SAMD12: variants seen among roughly 807,000 people sequenced by gnomAD.
The protein encoded by SAMD12 is sterile alpha motif domain-containing protein 12.
SAMD12 carries 9 observed loss-of-function variants against 15.0 expected under a neutral mutation model. That is an observed-to-expected ratio of 0.60 (90% CI 0.36 to 1.05). The LOEUF (loss-of-function observed/expected upper bound fraction) is 1.05, where lower values mean the gene tolerates loss of function less well. SAMD12 is among the 50% of genes least tolerant of loss of function. The pLI is 0.01. For synonymous variants in SAMD12, 86 were observed against 90.1 expected (o/e 0.96, Z 0.25); for missense variants, 230 against 234.2 (o/e 0.98, Z 0.12).
At chr8:118,216,956 T>G (rs1182915383) in intron 4 of SAMD12, among the ~76,000 whole-genome samples, 1 of 152,214 alleles carries the variant, frequency 6.6e-6, no homozygotes, top group Non-Finnish European at 1.5e-5. Context: ...TCTATATCAG[T>G]TTTTCCTCTC....
chr8:118,417,721 A>C (rs1821774058), intron 3 of SAMD12, among the ~76,000 whole-genome samples: 1 of 152,248 alleles, frequency 6.6e-6, no homozygotes, highest in Admixed American at 6.5e-5. Flanking sequence ...TGCAATGGAA[A>C]GAAATGTTAT....
At chr8:118,218,152 T>C (rs1812005869) in intron 4 of SAMD12, among the ~76,000 whole-genome samples, 2 of 152,204 alleles carry the variant, frequency 1.3e-5, no homozygotes, top group South Asian at 4.1e-4. Flanking sequence ...GGGCTTAAAC[T>C]CTTATTATCA....
At chr8:118,225,449 T>G (rs1812168369) in intron 4 of SAMD12, among the ~76,000 whole-genome samples, 1 of 152,086 alleles carries the variant, frequency 6.6e-6, no homozygotes, top group Non-Finnish European at 1.5e-5. Context: ...GCTGCCAGGG[T>G]TTTTGGAGGC....
intron 4 of SAMD12, among the ~76,000 whole-genome samples, chr8:118,304,227 T>C (rs1391899264): frequency 6.6e-6 from 1 of 152,244 alleles, no homozygotes. Context: ...TTATGCTTCA[T>C]GGTCATATCA....
At chr8:118,251,083 C>T (rs1158799592) in intron 4 of SAMD12, among the ~76,000 whole-genome samples, 1 of 152,088 alleles carries the variant, frequency 6.6e-6, no homozygotes. Flanking sequence ...ACTAGCCCTT[C>T]CGATAGCTGT....
At chr8:118,251,180 A>G (rs1812811794) in intron 4 of SAMD12, among the ~76,000 whole-genome samples, 1 of 152,110 alleles carries the variant, frequency 6.6e-6, no homozygotes. Context: ...AAATCAGGAA[A>G]GGCTTTTTGA....
chr8:118,276,791 A>G (rs1225850287), intron 4 of SAMD12, among the ~76,000 whole-genome samples: 2 of 152,058 alleles, frequency 1.3e-5, no homozygotes, highest in Non-Finnish European at 2.9e-5. Flanking sequence ...TCCTGCCTCA[A>G]CTTCCCAATT....
At chr8:118,415,576 G>T (rs914941270) in intron 3 of SAMD12, among the ~76,000 whole-genome samples, 8 of 151,454 alleles carry the variant, frequency 5.3e-5, no homozygotes, top group Admixed American at 1.3e-4. Flanking sequence ...GTAATTAATT[G>T]AAAAAGATTT....
intron 2 of SAMD12, among the ~76,000 whole-genome samples, chr8:118,443,409 G>T (rs1482434184): frequency 6.6e-6 from 1 of 152,094 alleles, no homozygotes; most frequent in Non-Finnish European, 1.5e-5. Flanking sequence ...CTTGAGCAGA[G>T]ATCGTGCCAT....
At chr8:118,211,026 C>G (rs933245320) in intron 4 of SAMD12, among the ~76,000 whole-genome samples, 1 of 152,144 alleles carries the variant, frequency 6.6e-6, no homozygotes, top group Non-Finnish European at 1.5e-5. Context: ...ATGAGAGATT[C>G]GCACACAGAA....
intron 4 of SAMD12, among the ~76,000 whole-genome samples, chr8:118,259,318 G>A (rs1813025034): frequency 6.6e-6 from 1 of 152,086 alleles, no homozygotes; most frequent in African/African-American, 2.4e-5. Context: ...TTAATGCAGT[G>A]GTTTGACAAT....
chr8:118,453,027 T>A (rs1446379044), intron 2 of SAMD12, among the ~76,000 whole-genome samples: 2 of 152,230 alleles, frequency 1.3e-5, no homozygotes, highest in African/African-American at 4.8e-5. Flanking sequence ...TATTACTAAT[T>A]TTAGTTCATC....
Position 118,529,431 on chromosome 8 carries a change from G to A in SAMD12, c.192+51284C>T, listed in dbSNP as rs924230232. On this transcript the variant is annotated intron_variant, in intron 2 of 3. Transcript: ENST00000314727. ...TTAGACATTTAGGGGATACAAGTGCGGTTTTGTTACATGGATATATTGCAT... is the reference window on the plus strand; with the variant it reads ...TTAGACATTTAGGGGATACAAGTGCAGTTTTGTTACATGGATATATTGCAT... Among the ~76,000 whole-genome samples, 8 of 152,222 alleles carry A rather than the reference G, an allele frequency of 5.3e-5. No homozygotes were observed. The East Asian group carries it at 5.8e-4, about 11-fold the overall frequency.
rs187121359 is a variant in SAMD12 at position 118,599,598 on chromosome 8, G to A, written c.14-18705C>T. Among the ~76,000 whole-genome samples the A allele has an allele frequency of 6.6e-4, 101 of 152,196 alleles. 1 individual carries two copies. Among genetic ancestry groups the A allele is most frequent in the Non-Finnish European group, 3.1e-4 (21 of 68,018 alleles). On this transcript the variant is annotated intron_variant, in intron 1 of 3. Coordinates refer to ENST00000314727, the MANE Select transcript of SAMD12 (RefSeq NM_207506.3). The stretch of plus-strand genomic sequence containing the variant: ...CCTCCAATCACCCCACTTTCACAAC[G>A]ATTCAATGTTCGCTTAGGGATAAAG...
chr8:118,250,229 G>A (rs893463819), intron 4 of SAMD12, among the ~76,000 whole-genome samples: 1 of 152,094 alleles, frequency 6.6e-6, no homozygotes, highest in Non-Finnish European at 1.5e-5. Context: ...GAGATAAGAC[G>A]TCCTGTGTTT....
the SAMD12 span, among the ~76,000 whole-genome samples, chr8:118,149,637 A>T: frequency 6.6e-6 from 1 of 152,144 alleles, no homozygotes; most frequent in Admixed American, 6.5e-5. Context: ...ATTGTCTAAG[A>T]CATCTCTGCC....
chr8:118,152,176 G>C, the SAMD12 span, among the ~76,000 whole-genome samples: 1 of 152,134 alleles, frequency 6.6e-6, no homozygotes, highest in Admixed American at 6.5e-5. Flanking sequence ...AAATGAGTTT[G>C]GGTTGTTTAC....
At chr8:118,393,684 C>T (rs935262524) in intron 3 of SAMD12, among the ~76,000 whole-genome samples, 3 of 151,882 alleles carry the variant, frequency 2.0e-5, no homozygotes, top group Admixed American at 6.6e-5. Context: ...CTGCAACCTC[C>T]GCCTCCTGGG....
the SAMD12 span, among the ~76,000 whole-genome samples, chr8:118,153,584 C>T: frequency 1.3e-5 from 2 of 152,270 alleles, no homozygotes; most frequent in African/African-American, 4.8e-5. Context: ...GTGCCAGTTA[C>T]GAGACTGGTC....
Sources: gnomAD v4.1 joint callset for allele counts (sites outside exome capture counted in the v4.1 genomes callset) on GRCh38, gnomAD v4.1.1 for gene constraint, MANE v1.5 for transcripts, NCBI Gene and HGNC (gene_info 2026-07-23, HGNC 2026-07-21) for gene names.